The following LDLRAD4 variants were observed in gnomAD, a reference collection of about 807,000 sequenced individuals.
LDLRAD4 encodes low-density lipoprotein receptor class A domain-containing protein 4.
A neutral mutation model predicts 17.0 loss-of-function variants in LDLRAD4; 5 were observed. The observed-to-expected ratio is 0.29, with a 90% CI of 0.15 to 0.62. The LOEUF is 0.62. LDLRAD4 is among the 20% of genes least tolerant of loss of function. The pLI is 0.84. For missense variants in LDLRAD4, 340 were observed against 424.7 expected (o/e 0.80, Z 1.75); for synonymous variants, 168 against 171.8 (o/e 0.98, Z 0.17).
chr18:13,596,973 A>G (rs1172874236), intron 3 of LDLRAD4, among the ~76,000 whole-genome samples: 2 of 152,196 alleles, frequency 1.3e-5, no homozygotes, highest in African/African-American at 4.8e-5. Flanking sequence ...AGAAATGTAC[A>G]TTTACACTAT....
chr18:13,226,180 C>CGTTTTT (rs2041779103), intron 1 of LDLRAD4, among the ~76,000 whole-genome samples: 1 of 52,188 alleles, frequency 1.9e-5, no homozygotes. Flanking sequence ...CCATGCCTTG[C>CGTTTTT]TTTTTTTTTT....
At chr18:13,486,026 A>T (rs1383142154) in intron 3 of LDLRAD4, among the ~76,000 whole-genome samples, 2 of 152,212 alleles carry the variant, frequency 1.3e-5, no homozygotes, top group African/African-American at 4.8e-5. Flanking sequence ...GTTTAGCTTT[A>T]TTCAGAAGCT....
At chr18:13,509,478 C>T (rs982969906) in intron 3 of LDLRAD4, among the ~76,000 whole-genome samples, 18 of 152,226 alleles carry the variant, frequency 1.2e-4, no homozygotes, top group Admixed American at 1.3e-4. Context: ...GACTGAATTG[C>T]TGCAACCTCA....
intron 2 of LDLRAD4, among the ~76,000 whole-genome samples, chr18:13,415,856 C>T (rs950056869): frequency 2.6e-5 from 4 of 152,364 alleles, no homozygotes; most frequent in African/African-American, 4.8e-5. Context: ...CCCTCTATGC[C>T]CTTGTACCCC....
At chr18:13,522,429 A>G (rs995757369) in intron 3 of LDLRAD4, 4 of 150,434 alleles carry the variant, frequency 2.7e-5, no homozygotes, top group East Asian at 1.9e-4. Context: ...TGCCTTTTAC[A>G]TATCTTTCCC....
At chr18:13,642,236 G>C (rs900111676) in intron 4 of LDLRAD4, 3 of 986,518 alleles carry the variant, frequency 3.0e-6, no homozygotes, top group Non-Finnish European at 3.6e-6. Flanking sequence ...CGCTGCTGGC[G>C]CCGGGGCCGT....
rs557088697 is a variant in LDLRAD4, at chr18:13,571,698, A to G, written c.182-49419A>G. Reference sequence around the variant, plus strand: ...GTTGCCCAGGCTGGAGTGCAGTGGTATGATCTCAGCTCACTGCAAGCTCCG... The same window carrying G: ...GTTGCCCAGGCTGGAGTGCAGTGGTGTGATCTCAGCTCACTGCAAGCTCCG... On this transcript the variant is annotated intron_variant, in intron 3 of 5. Transcript: ENST00000359446. Among the ~76,000 whole-genome samples, 1,024 of 152,268 alleles carry G rather than the reference A, an allele frequency of 6.7e-3. 6 individuals are homozygous for G. Among genetic ancestry groups the G allele is most frequent in the African/African-American group, 0.023 (953 of 41,536 alleles).
At chr18:13,564,739 AT>A (rs1349885800) in intron 3 of LDLRAD4, among the ~76,000 whole-genome samples, 5 of 151,868 alleles carry the variant, frequency 3.3e-5, no homozygotes, top group Non-Finnish European at 7.4e-5. Context: ...TCTGGAAACC[AT>A]TTCCCTTCAT....
chr18:13,287,166 TAAGA>T (rs937703981), intron 1 of LDLRAD4, among the ~76,000 whole-genome samples: 1 of 152,088 alleles, frequency 6.6e-6, no homozygotes, highest in Non-Finnish European at 1.5e-5. Flanking sequence ...GTAGAGGAAA[TAAGA>T]AAGCAGCCCT....
chr18:13,637,754 T>A (rs1249179052), intron 4 of LDLRAD4, among the ~76,000 whole-genome samples: 1 of 151,616 alleles, frequency 6.6e-6, no homozygotes, highest in Non-Finnish European at 1.5e-5. Context: ...TAGTCCCAGC[T>A]ACTCAGGAGG....
intron 3 of LDLRAD4, among the ~76,000 whole-genome samples, chr18:13,483,427 C>A (rs1426574645): frequency 1.3e-5 from 2 of 152,188 alleles, no homozygotes; most frequent in Non-Finnish European, 2.9e-5. Context: ...CCTGCCTGGA[C>A]AGACCCCTGG....
At chr18:13,467,668 G>A (rs2092660125) in intron 3 of LDLRAD4, among the ~76,000 whole-genome samples, 1 of 152,098 alleles carries the variant, frequency 6.6e-6, no homozygotes, top group Non-Finnish European at 1.5e-5. Context: ...GAATTTCAAG[G>A]CACACCTTAC....
chr18:13,247,952 C>CA (rs1361160581), intron 1 of LDLRAD4, among the ~76,000 whole-genome samples: 10 of 15,940 alleles, frequency 6.3e-4, no homozygotes, highest in Non-Finnish European at 1.2e-3. Context: ...CACAGCGCCG[C>CA]CCCCCGCCTT....
chr18:13,408,018 T>C (rs1345618219), intron 2 of LDLRAD4, among the ~76,000 whole-genome samples: 1 of 152,232 alleles, frequency 6.6e-6, no homozygotes, highest in Non-Finnish European at 1.5e-5. Context: ...TTTCTTTTTC[T>C]TTCTTGTTGG....
chr18:13,525,366 A>C (rs922333072), intron 3 of LDLRAD4, among the ~76,000 whole-genome samples: 5 of 152,232 alleles, frequency 3.3e-5, no homozygotes, highest in African/African-American at 9.6e-5. Flanking sequence ...TCCATTCTGC[A>C]AATCTCACAT....
At chr18:13,612,073 C>T (rs1284441) in intron 3 of LDLRAD4, 741,085 of 985,368 alleles carry the variant, frequency 0.75, 280,796 homozygotes, top group East Asian at 0.99. Flanking sequence ...TGGTAAGCGC[C>T]CTCTCCGGTC....
intron 2 of LDLRAD4, among the ~76,000 whole-genome samples, chr18:13,437,989 C>T (rs1200989430): frequency 6.6e-6 from 1 of 152,158 alleles, no homozygotes; most frequent in African/African-American, 2.4e-5. Context: ...TGGGCAGTGC[C>T]GTAGAGTGAG....
At position 13,533,577 on chromosome 18, in the gene LDLRAD4, T is replaced by G. The variant is rs145136566; in HGVS notation, c.182-87540T>G. Among the ~76,000 whole-genome samples, 178 of 152,350 alleles carry G rather than the reference T, an allele frequency of 1.2e-3. 1 individual carries two copies. Among genetic ancestry groups the G allele is most frequent in the African/African-American group, 3.9e-3 (161 of 41,566 alleles). The stretch of plus-strand genomic sequence containing the variant: ...GATTTGATTTAAATATAAATTGTAC[T>G]TACAAACGGTACTCCAGTTGCCCAT... On this transcript the variant is annotated intron_variant, in intron 3 of 5. Transcript: ENST00000359446.
intron 3 of LDLRAD4, among the ~76,000 whole-genome samples, chr18:13,565,559 C>T (rs1231746687): frequency 6.6e-6 from 1 of 152,248 alleles, no homozygotes; most frequent in Non-Finnish European, 1.5e-5. Flanking sequence ...ACCGTCCTGG[C>T]GCTTGTCTTG....
Sources: allele counts gnomAD v4.1 joint callset (sites outside exome capture counted in the v4.1 genomes callset), GRCh38; gene constraint gnomAD v4.1.1; transcripts MANE v1.5; gene names NCBI Gene and HGNC (gene_info 2026-07-23, HGNC 2026-07-21).